Variants in GRID1 observed in about 807,000 individuals in gnomAD.
The protein encoded by GRID1 is glutamate ionotropic receptor delta type subunit 1, also known as glutamate receptor ionotropic, delta-1.
In GRID1, 28 loss-of-function variants were observed where a neutral mutation model predicts 98.0. The observed-to-expected ratio is 0.29, with a 90% confidence interval of 0.21 to 0.39. GRID1 has a LOEUF of 0.39. Among genes scored for constraint, GRID1 ranks in the 10% least tolerant of loss-of-function variants. The pLI, the probability that GRID1 is intolerant of heterozygous loss-of-function variation, is 1.00. For synonymous variants in GRID1, 553 were observed against 538.5 expected (o/e 1.03, Z -0.37); for missense variants, 1,111 against 1,340.5 (o/e 0.83, Z 2.67).
intron 5 of GRID1, among the ~76,000 whole-genome samples, chr10:85,874,412 T>C (rs11816920): frequency 0.074 from 11,333 of 152,264 alleles, 482 homozygotes; most frequent in Middle Eastern, 0.14. Flanking sequence ...CTGGTAAGTA[T>C]GCATTGGAGC....
At chr10:85,983,451 T>A (rs940211943) in intron 4 of GRID1, among the ~76,000 whole-genome samples, 7 of 152,234 alleles carry the variant, frequency 4.6e-5, no homozygotes, top group Non-Finnish European at 1.0e-4. Context: ...CAGTTCACAG[T>A]GCTGCACAAT....
rs35174795 is a variant in GRID1 at position 85,639,788 on chromosome 10, G to A, written c.2193+7414C>T. 5.9e-5 allele frequency among the ~76,000 whole-genome samples: 9 copies of A among 152,272 alleles called. No individual in the cohort carries two copies. In the South Asian group the frequency reaches 6.2e-4, roughly 11 times the overall value. On this transcript the variant is annotated intron_variant, in intron 13 of 15. Coordinates refer to ENST00000327946, the MANE Select transcript of GRID1 (RefSeq NM_017551.3). ...CTTGGGAGGCTGAGGCAGGAGAATC[G>A]CTTGAACCTGGGAGGCGGAGGTTGC...
chr10:86,297,215 A>G (rs1244752203), intron 2 of GRID1, among the ~76,000 whole-genome samples: 1 of 152,164 alleles, frequency 6.6e-6, no homozygotes, highest in Non-Finnish European at 1.5e-5. Context: ...AAGAAATGAG[A>G]GGAAACTAGA....
intron 4 of GRID1, among the ~76,000 whole-genome samples, chr10:86,128,609 T>C (rs929234292): frequency 3.3e-5 from 5 of 152,056 alleles, no homozygotes; most frequent in African/African-American, 4.8e-5. Flanking sequence ...AGGTGAAGCA[T>C]ACACACGCCT....
At chr10:85,865,782 G>A (rs1194684029) in intron 6 of GRID1, among the ~76,000 whole-genome samples, 1 of 151,612 alleles carries the variant, frequency 6.6e-6, no homozygotes, top group Admixed American at 6.6e-5. Flanking sequence ...GAATCTACCA[G>A]CTGCCCAAGT....
chr10:86,050,309 G>A (rs567357872), intron 4 of GRID1, among the ~76,000 whole-genome samples: 17 of 152,344 alleles, frequency 1.1e-4, no homozygotes, highest in African/African-American at 3.8e-4. Flanking sequence ...AGAAGTATGT[G>A]TGTGTATATA....
chr10:86,141,044 T>C (rs527663811), intron 3 of GRID1, among the ~76,000 whole-genome samples: 6 of 151,774 alleles, frequency 4.0e-5, no homozygotes, highest in Non-Finnish European at 7.4e-5. Context: ...CCAAACCCAC[T>C]GGCTTCACAA....
chr10:86,094,919 G>A (rs542932520), intron 4 of GRID1, among the ~76,000 whole-genome samples: 39 of 151,906 alleles, frequency 2.6e-4, no homozygotes, highest in Non-Finnish European at 4.7e-4. Flanking sequence ...CAAATCTGGA[G>A]GCATCACATT....
At chr10:86,150,633 A>G (rs955726212) in intron 3 of GRID1, among the ~76,000 whole-genome samples, 2 of 152,236 alleles carry the variant, frequency 1.3e-5, no homozygotes, top group African/African-American at 4.8e-5. Flanking sequence ...TCGTAACAGC[A>G]TGCTACAGAC....
chr10:86,264,350 T>C (rs983789054), intron 2 of GRID1, among the ~76,000 whole-genome samples: 1 of 152,358 alleles, frequency 6.6e-6, no homozygotes, highest in East Asian at 1.9e-4. Context: ...ACTTCCTGCC[T>C]GTCCTCCCTA....
intron 5 of GRID1, among the ~76,000 whole-genome samples, chr10:85,900,435 C>A (rs1841365390): frequency 6.6e-6 from 1 of 152,158 alleles, no homozygotes; most frequent in African/African-American, 2.4e-5. Context: ...AGGTAGACAC[C>A]AACCTTTAGT....
chr10:86,085,949 G>A (rs1056654986), intron 4 of GRID1, among the ~76,000 whole-genome samples: 1 of 151,956 alleles, frequency 6.6e-6, no homozygotes, highest in Non-Finnish European at 1.5e-5. Flanking sequence ...CTTTTCTCAG[G>A]TCTCCACACC....
At chr10:85,819,543 C>A (rs1451294760) in intron 8 of GRID1, among the ~76,000 whole-genome samples, 1 of 152,092 alleles carries the variant, frequency 6.6e-6, no homozygotes, top group African/African-American at 2.4e-5. Context: ...ATCATGTATC[C>A]CCTGATATGA....
In GRID1 at chr10:85,961,011, C is replaced by CT. The variant is rs568182560; in HGVS notation, c.727-44773dup. ...CGCACGGAGGCTGGCAAGGAGCTCT[C>CT]TGTGGTGTCTAGGCCTGGAGTGAAG... On this transcript the variant is annotated intron_variant, in intron 4 of 15. Coordinates refer to ENST00000327946, the MANE Select transcript of GRID1 (RefSeq NM_017551.3). Among the ~76,000 whole-genome samples the CT allele has an allele frequency of 4.8e-3, 730 of 152,090 alleles. 8 individuals carry two copies. Among genetic ancestry groups the CT allele is most frequent in the Non-Finnish European group, 6.1e-3 (417 of 67,980 alleles).
At chr10:85,986,970 G>A (rs1842615593) in intron 4 of GRID1, among the ~76,000 whole-genome samples, 1 of 152,064 alleles carries the variant, frequency 6.6e-6, no homozygotes, top group African/African-American at 2.4e-5. Context: ...CTCAGGCACT[G>A]ACTCCTAAGT....
At chr10:85,655,987 C>A (rs1463114730) in intron 12 of GRID1, among the ~76,000 whole-genome samples, 89 of 143,784 alleles carry the variant, frequency 6.2e-4, no homozygotes, top group Non-Finnish European at 9.5e-4. Context: ...TTCTCTCTCT[C>A]AAAAAAAAAA....
chr10:86,311,309 C>T (rs1001833090), intron 2 of GRID1, among the ~76,000 whole-genome samples: 4 of 152,170 alleles, frequency 2.6e-5, no homozygotes, highest in African/African-American at 9.7e-5. Flanking sequence ...CACGGTGCAG[C>T]TTCAGCAAGC....
At chr10:86,148,878 G>A (rs1034932246) in intron 3 of GRID1, among the ~76,000 whole-genome samples, 2 of 152,170 alleles carry the variant, frequency 1.3e-5, no homozygotes, top group Admixed American at 6.5e-5. Flanking sequence ...CACTATCTGG[G>A]TGATCCTGGA....
intron 2 of GRID1, among the ~76,000 whole-genome samples, chr10:86,351,822 C>A (rs889481659): frequency 6.6e-6 from 1 of 152,214 alleles, no homozygotes; most frequent in Non-Finnish European, 1.5e-5. Flanking sequence ...TGTAGCTGTT[C>A]TTTACTGAGC....
Sources: gnomAD v4.1 joint callset for allele counts (sites outside exome capture counted in the v4.1 genomes callset) on GRCh38, gnomAD v4.1.1 for gene constraint, MANE v1.5 for transcripts, NCBI Gene and HGNC (gene_info 2026-07-23, HGNC 2026-07-21) for gene names.